Variants in MYO5A observed in about 807,000 individuals in gnomAD.
MYO5A encodes myosin VA.
In MYO5A, 98 loss-of-function variants were observed where a neutral mutation model predicts 249.7. The ratio of observed to expected loss-of-function variants is 0.39; its 90% CI spans 0.33 to 0.46. The LOEUF is 0.46. MYO5A is among the 20% of genes least tolerant of loss of function. MYO5A has a pLI of 0.98. For missense variants in MYO5A, 1,696 were observed against 2,308.8 expected, an observed-to-expected ratio of 0.73 and a Z score of 5.44; for synonymous variants, 778 against 810.6, an observed-to-expected ratio of 0.96 and a Z score of 0.68.
chr15:52,315,509 G>T (rs981661264), intron 40 of MYO5A, among the ~76,000 whole-genome samples: 2 of 151,928 alleles, frequency 1.3e-5, no homozygotes, highest in Non-Finnish European at 2.9e-5. Flanking sequence ...CAAGTAGCTG[G>T]GATTACAGGC....
rs111751236 is a variant in MYO5A, at chr15:52,471,592, A to AAC, written c.28-38309_28-38308dup. On this transcript the variant is annotated intron_variant, in intron 1 of 41. Transcript: ENST00000399233. The stretch of plus-strand genomic sequence containing the variant: ...CAACACAGCCAGATTCTGTCTCTAA[A>AAC]ACACACACACACACACACACACACA... Among the ~76,000 whole-genome samples the AAC allele has an allele frequency of 9.9e-3, 1,440 of 144,946 alleles. 30 individuals are homozygous for AAC. The highest frequency in any genetic ancestry group is 0.076 in the East Asian group (375 of 4,930).
chr15:52,364,247 A>AT (rs2040693988), intron 24 of MYO5A, among the ~76,000 whole-genome samples: 1 of 152,000 alleles, frequency 6.6e-6, no homozygotes, highest in Non-Finnish European at 1.5e-5. Context: ...AAAAAAAAAA[A>AT]CAAAAACAAA....
intron 20 of MYO5A, among the ~76,000 whole-genome samples, chr15:52,372,614 TTATGTG>T (rs1344379572): frequency 6.6e-6 from 1 of 152,172 alleles, no homozygotes; most frequent in Non-Finnish European, 1.5e-5. Context: ...TATGCACATA[TTATGTG>T]TATAATTCTA....
At chr15:52,381,010 T>C (rs774672643) in intron 16 of MYO5A, among the ~76,000 whole-genome samples, 32 of 152,238 alleles carry the variant, frequency 2.1e-4, no homozygotes, top group Non-Finnish European at 3.5e-4. Flanking sequence ...ACAAGATTTT[T>C]GTTTTGTATT....
chr15:52,489,341 G>A (rs1044880397), intron 1 of MYO5A, among the ~76,000 whole-genome samples: 3 of 152,180 alleles, frequency 2.0e-5, no homozygotes, highest in African/African-American at 7.2e-5. Context: ...GGGGCGGGCG[G>A]ATCACGAGGT....
At chr15:52,452,846 TA>T (rs199499140) in intron 1 of MYO5A, among the ~76,000 whole-genome samples, 20,774 of 123,612 alleles carry the variant, frequency 0.17, 1,526 homozygotes, top group Middle Eastern at 0.25. Context: ...AGACTCCATG[TA>T]AAAAAAAAAA....
At chr15:52,483,203 G>A (rs1328926241) in intron 1 of MYO5A, among the ~76,000 whole-genome samples, 1 of 152,118 alleles carries the variant, frequency 6.6e-6, no homozygotes, top group East Asian at 1.9e-4. Context: ...ACACCTAAAT[G>A]GCTCACTTAA....
intron 23 of MYO5A, among the ~76,000 whole-genome samples, chr15:52,366,350 A>G (rs2040805609): frequency 6.6e-6 from 1 of 152,048 alleles, no homozygotes; most frequent in Non-Finnish European, 1.5e-5. Context: ...TGTAATCAAC[A>G]GAATGTATAT....
chr15:52,439,354 C>G (rs572163175), intron 1 of MYO5A, among the ~76,000 whole-genome samples: 1 of 152,256 alleles, frequency 6.6e-6, no homozygotes, highest in South Asian at 2.1e-4. Flanking sequence ...TCTCCACTCA[C>G]ACTACTCTAG....
chr15:52,351,622 C>G, intron 27 of MYO5A, 141 bp from the exon 28 acceptor site: 1 of 788,234 alleles, frequency 1.3e-6, no homozygotes, highest in Non-Finnish European at 2.1e-6. Context: ...CTAGGTTCTG[C>G]CAGGAGCCCT....
chr15:52,325,234 G>A (rs868654826), intron 36 of MYO5A, among the ~76,000 whole-genome samples: 1 of 152,018 alleles, frequency 6.6e-6, no homozygotes, highest in Non-Finnish European at 1.5e-5. Flanking sequence ...CTTCACTGAC[G>A]TCTACACAAG....
chr15:52,475,747 G>A (rs2076578017), intron 1 of MYO5A, among the ~76,000 whole-genome samples: 1 of 152,220 alleles, frequency 6.6e-6, no homozygotes, highest in African/African-American at 2.4e-5. Flanking sequence ...ACTGTGGTCT[G>A]AGAGGCAGTT....
Position 52,360,133 on chromosome 15 carries a change from A to G in MYO5A, c.3310-52T>C, listed in dbSNP as rs751171618. ...TTAATGCAACATAATTAGTCTAGGCATAGTTAAGACAGCATCCACCTTGAC... is the reference window on the plus strand; with the variant it reads ...TTAATGCAACATAATTAGTCTAGGCGTAGTTAAGACAGCATCCACCTTGAC... On this transcript the variant is annotated intron_variant, in intron 24 of 41. Coordinates refer to ENST00000399233, the MANE Select transcript of MYO5A (RefSeq NM_001382347.1). 11 of 1,258,934 alleles carry G rather than the reference A, an allele frequency of 8.7e-6. No homozygotes were observed. The African/African-American group carries it at 1.6e-4, about 19-fold the overall frequency. The allele number at this position is 1,258,934 out of a possible 1,614,324, so 78.0% of individuals were successfully genotyped here. A position where few individuals can be genotyped will look rare whatever the true frequency, so the allele number is the denominator to read the frequency against.
intron 38 of MYO5A, among the ~76,000 whole-genome samples, chr15:52,320,609 C>T (rs1324444325): frequency 6.6e-6 from 1 of 152,060 alleles, no homozygotes; most frequent in African/African-American, 2.4e-5. Context: ...TAACTGTGGC[C>T]TATGAAAGCA....
rs1438781667 is a variant in MYO5A at position 52,307,707 on chromosome 15, T to G, written c.*5989A>C. 2.0e-5 allele frequency: 3 copies of G among 152,200 alleles called. No homozygotes were observed. Among genetic ancestry groups the G allele is most frequent in the Non-Finnish European group, 1.5e-5 (1 of 68,016 alleles). 9.4% of individuals were successfully genotyped at this position (152,200 alleles called of 1,614,324 possible). ...CCAACAAGGAAAAATATTTGAAAAC[T>G]GCAATGTTCAATTCCATTTTAGTTA... On this transcript the variant is annotated 3_prime_UTR_variant, in exon 42 of 42. Coordinates refer to ENST00000399233, the MANE Select transcript of MYO5A (RefSeq NM_001382347.1).
chr15:52,394,111 T>A (rs1478427183), intron 11 of MYO5A, among the ~76,000 whole-genome samples: 2 of 152,178 alleles, frequency 1.3e-5, no homozygotes, highest in African/African-American at 4.8e-5. Context: ...CTTCAAACAC[T>A]AAGCATGCCA....
intron 24 of MYO5A, among the ~76,000 whole-genome samples, chr15:52,361,775 C>G (rs2040539858): frequency 6.6e-6 from 1 of 152,110 alleles, no homozygotes; most frequent in African/African-American, 2.4e-5. Flanking sequence ...ATTTTGTTCC[C>G]CCGTTTATAC....
chr15:52,406,401 C>T (rs993940838), intron 8 of MYO5A, among the ~76,000 whole-genome samples: 3 of 151,948 alleles, frequency 2.0e-5, no homozygotes, highest in East Asian at 3.8e-4. Context: ...AGATTTAGCA[C>T]GAGAAGAAAT....
At chr15:52,361,335 CAGATAAACACCAGGACAA>C (rs1254630618) in intron 24 of MYO5A, among the ~76,000 whole-genome samples, 1 of 152,066 alleles carries the variant, frequency 6.6e-6, no homozygotes, top group Non-Finnish European at 1.5e-5. Context: ...CCAGGTAGTC[CAGATAAACACCAGGACAA>C]AGATTTTTAA....
Sources: allele counts gnomAD v4.1 joint callset (sites outside exome capture counted in the v4.1 genomes callset), GRCh38; gene constraint gnomAD v4.1.1; transcripts MANE v1.5; gene names NCBI Gene and HGNC (gene_info 2026-07-23, HGNC 2026-07-21).